Variants in WDR70 observed in about 807,000 individuals in gnomAD.
WDR70 encodes WD repeat-containing protein 70.
In WDR70, 53 loss-of-function variants were observed where a neutral mutation model predicts 88.6. The observed-to-expected ratio is 0.60, with a 90% confidence interval of 0.48 to 0.75. WDR70 has a LOEUF of 0.75. Ranked by LOEUF, WDR70 falls within the 30% of genes least tolerant of loss-of-function variation. The pLI is 0.00. For missense variants in WDR70, 610 were observed against 823.2 expected (o/e 0.74, Z 3.17); for synonymous variants, 280 against 270.0 (o/e 1.04, Z -0.36).
intron 9 of WDR70, among the ~76,000 whole-genome samples, chr5:37,556,380 C>T (rs1467552429): frequency 1.3e-5 from 2 of 151,990 alleles, no homozygotes; most frequent in Admixed American, 1.3e-4. Flanking sequence ...ACATGAAATT[C>T]TGTTTGAAAA....
intron 17 of WDR70, among the ~76,000 whole-genome samples, chr5:37,733,190 T>C (rs1440338300): frequency 6.6e-6 from 1 of 152,116 alleles, no homozygotes; most frequent in African/African-American, 2.4e-5. Context: ...ATGCCTTGGT[T>C]CATAGCCACA....
chr5:37,521,543 G>A (rs1741088467), intron 9 of WDR70, among the ~76,000 whole-genome samples: 1 of 152,140 alleles, frequency 6.6e-6, no homozygotes, highest in Non-Finnish European at 1.5e-5. Context: ...TTATGCCTTT[G>A]TGTTCTCATT....
At chr5:37,512,462 G>A (rs1740750288) in intron 8 of WDR70, among the ~76,000 whole-genome samples, 2 of 151,968 alleles carry the variant, frequency 1.3e-5, no homozygotes, top group Admixed American at 6.6e-5. Flanking sequence ...CAAGTGATCT[G>A]CCTGCCTTGG....
intron 10 of WDR70, among the ~76,000 whole-genome samples, chr5:37,629,334 G>A (rs1440988105): frequency 6.6e-6 from 1 of 152,070 alleles, no homozygotes; most frequent in African/African-American, 2.4e-5. Flanking sequence ...CCAAGACTCA[G>A]GAAATTTTCT....
At chr5:37,689,469 TCTGG>T in intron 10 of WDR70, among the ~76,000 whole-genome samples, 1 of 152,314 alleles carries the variant, frequency 6.6e-6, no homozygotes, top group Middle Eastern at 3.4e-3. Context: ...TGGGTGACCC[TCTGG>T]GACGAAGCTT....
At chr5:37,552,750 C>G (rs7700431) in intron 9 of WDR70, among the ~76,000 whole-genome samples, 1 of 152,022 alleles carries the variant, frequency 6.6e-6, no homozygotes, top group African/African-American at 2.4e-5. Flanking sequence ...TTGGGTCGTT[C>G]GCTACATTTG....
chr5:37,687,946 A>G (rs1452512190), intron 10 of WDR70: 2 of 694,584 alleles, frequency 2.9e-6, no homozygotes, highest in Non-Finnish European at 5.3e-6. Flanking sequence ...AACTGTCTGC[A>G]TGCTCTGGGC....
At chr5:37,741,236 C>CTTT (rs5867363) in intron 17 of WDR70, among the ~76,000 whole-genome samples, 1 of 138,468 alleles carries the variant, frequency 7.2e-6, no homozygotes, top group Non-Finnish European at 1.6e-5. Flanking sequence ...GAGCCTAGTT[C>CTTT]TTTTTTTTTT....
chr5:37,391,032 A>G (rs1367618091), intron 3 of WDR70, among the ~76,000 whole-genome samples: 1 of 152,160 alleles, frequency 6.6e-6, no homozygotes, highest in South Asian at 2.1e-4. Context: ...TGCTAAATTT[A>G]TGTTTTAAAA....
At chr5:37,639,389 T>A (rs1311287721) in intron 10 of WDR70, among the ~76,000 whole-genome samples, 1 of 152,226 alleles carries the variant, frequency 6.6e-6, no homozygotes, top group Non-Finnish European at 1.5e-5. Context: ...CAATTCACGC[T>A]GAAAATGCTG....
intron 9 of WDR70, among the ~76,000 whole-genome samples, chr5:37,581,819 TATCA>T (rs2112427060): frequency 6.6e-6 from 1 of 152,320 alleles, no homozygotes; most frequent in East Asian, 1.9e-4. Context: ...GAGGCAAAGC[TATCA>T]GAATTTCGTC....
chr5:37,491,374 C>T (rs1370176384), intron 8 of WDR70, among the ~76,000 whole-genome samples: 2 of 152,156 alleles, frequency 1.3e-5, no homozygotes, highest in Non-Finnish European at 2.9e-5. Context: ...CTTGAAGTCC[C>T]CCATAAGCTT....
At chr5:37,487,618 TATATA>T (rs1392896299) in intron 8 of WDR70, among the ~76,000 whole-genome samples, 3 of 45,798 alleles carry the variant, frequency 6.6e-5, no homozygotes, top group African/African-American at 1.4e-4. Flanking sequence ...TATATATATA[TATATA>T]TGTATTTTTT....
At chr5:37,746,380 A>G (rs1748638373) in intron 17 of WDR70, among the ~76,000 whole-genome samples, 1 of 152,184 alleles carries the variant, frequency 6.6e-6, no homozygotes, top group Non-Finnish European at 1.5e-5. Flanking sequence ...GAGCGGCAAG[A>G]GCAGACTAAT....
chr5:37,468,267 T>A (rs1246403041), intron 7 of WDR70, among the ~76,000 whole-genome samples: 1 of 152,224 alleles, frequency 6.6e-6, no homozygotes, highest in Non-Finnish European at 1.5e-5. Context: ...GACAGATTTT[T>A]AAATATTTAA....
intron 10 of WDR70, among the ~76,000 whole-genome samples, chr5:37,688,259 C>G (rs1274295286): frequency 6.6e-6 from 1 of 152,094 alleles, no homozygotes; most frequent in Non-Finnish European, 1.5e-5. Flanking sequence ...AAGTGTGAAC[C>G]AGACAAGCTA....
intron 15 of WDR70, 85 bp downstream of exon 15, chr5:37,723,019 G>A: frequency 6.5e-7 from 1 of 1,531,000 alleles, no homozygotes; most frequent in Non-Finnish European, 9.0e-7. Flanking sequence ...GACAGAGAAA[G>A]CCCTCAGAAT....
At position 37,649,733 on chromosome 5, in the gene WDR70, C is replaced by CT. The variant is rs70978834; in HGVS notation, c.1092+44517dup. Among the ~76,000 whole-genome samples, 247 of 68,736 alleles carry CT rather than the reference C, an allele frequency of 3.6e-3. 18 individuals are homozygous for CT. Among genetic ancestry groups the CT allele is most frequent in the African/African-American group, 0.014 (215 of 15,608 alleles). The allele number at this position is 68,736 out of a possible 152,430, so 45.1% of individuals were successfully genotyped here. A position where few individuals can be genotyped will look rare whatever the true frequency, so the allele number is the denominator to read the frequency against. ...ATATACATTCACGATGTTATTACTT[C>CT]TTTTTTTTTTTTTTTTTTTTTTGAG... On this transcript the variant is annotated intron_variant, in intron 10 of 17. Transcript: ENST00000265107.
chr5:37,572,055 A>C (rs964913949), intron 9 of WDR70, among the ~76,000 whole-genome samples: 3 of 152,190 alleles, frequency 2.0e-5, no homozygotes, highest in Admixed American at 6.5e-5. Context: ...ACAGCTTCAG[A>C]AACTGCCCAT....
Sources: allele counts gnomAD v4.1 joint callset (sites outside exome capture counted in the v4.1 genomes callset), GRCh38; gene constraint gnomAD v4.1.1; transcripts MANE v1.5; gene names NCBI Gene and HGNC (gene_info 2026-07-23, HGNC 2026-07-21).